Variants in RYR2 observed in about 807,000 individuals in gnomAD.
RYR2 encodes cardiac muscle ryanodine receptor-calcium release channel.
A neutral mutation model predicts 601.1 loss-of-function variants in RYR2; 227 were observed. The observed-to-expected ratio is 0.38, with a 90% CI of 0.34 to 0.42. The LOEUF (loss-of-function observed/expected upper bound fraction) is 0.42. Among genes scored for constraint, RYR2 ranks in the 10% least tolerant of loss-of-function variants. The pLI is 1.00. For missense variants in RYR2, 4,646 were observed against 6,156.5 expected, an observed-to-expected ratio of 0.75 and a Z score of 8.21; for synonymous variants, 2,223 against 2,175.1, an observed-to-expected ratio of 1.02 and a Z score of -0.61.
chr1:237,497,834 G>C (rs560695476), intron 20 of RYR2, among the ~76,000 whole-genome samples: 1 of 152,152 alleles, frequency 6.6e-6, no homozygotes, highest in East Asian at 1.9e-4. Context: ...CTAGACGAGA[G>C]GAAGCTGTAT....
chr1:237,679,815 T>C (rs1278235986), intron 61 of RYR2, among the ~76,000 whole-genome samples: 3 of 152,004 alleles, frequency 2.0e-5, no homozygotes, highest in Non-Finnish European at 2.9e-5. Context: ...CCAGAGTGAA[T>C]AGGATATGGA....
chr1:237,708,332 G>A (rs1391836858), intron 68 of RYR2, among the ~76,000 whole-genome samples: 1 of 151,994 alleles, frequency 6.6e-6, no homozygotes, highest in Non-Finnish European at 1.5e-5. Context: ...GTTACTTTCA[G>A]GGGGAAAAAA....
At chr1:237,325,903 G>A (rs540327692) in intron 2 of RYR2, among the ~76,000 whole-genome samples, 70 of 152,098 alleles carry the variant, frequency 4.6e-4, no homozygotes, top group African/African-American at 1.4e-3. Flanking sequence ...GGACCTTCAC[G>A]CCGAGGGAGA....
At chr1:237,402,440 A>G (rs1167309419) in intron 10 of RYR2, among the ~76,000 whole-genome samples, 1 of 151,870 alleles carries the variant, frequency 6.6e-6, no homozygotes, top group Non-Finnish European at 1.5e-5. Context: ...TGTTCTAAGA[A>G]TTAAAAGATG....
intron 24 of RYR2, among the ~76,000 whole-genome samples, chr1:237,515,635 CA>C (rs1666348643): frequency 2.5e-5 from 2 of 79,004 alleles, no homozygotes; most frequent in African/African-American, 4.9e-5. Context: ...CCCCTCCCTC[CA>C]TCACCCACCC....
chr1:237,469,254 AAGAC>A (rs370408492), intron 17 of RYR2, 67 bp downstream of exon 17: 8 of 593,156 alleles, frequency 1.3e-5, no homozygotes, highest in Admixed American at 8.9e-5. Flanking sequence ...CGTATCCTTT[AAGAC>A]AAAAAAAAAA....
intron 3 of RYR2, chr1:237,352,778 T>C (rs535645822): frequency 7.9e-5 from 37 of 468,242 alleles, no homozygotes; most frequent in African/African-American, 6.1e-4. Context: ...ATCTGTACAT[T>C]TGTGTCTTGA....
At chr1:237,044,116 T>C (rs958363801) in intron 1 of RYR2, among the ~76,000 whole-genome samples, 4 of 152,166 alleles carry the variant, frequency 2.6e-5, no homozygotes, top group African/African-American at 9.7e-5. Context: ...TCTTCACTAA[T>C]ACCTTGGTCA....
At chr1:237,811,607 GCTTGCTGACATAAAAATATTCA>G (rs1217121780) in intron 100 of RYR2, among the ~76,000 whole-genome samples, 4 of 152,110 alleles carry the variant, frequency 2.6e-5, no homozygotes, top group Non-Finnish European at 5.9e-5. Flanking sequence ...ATACATAATA[GCTTGCTGACATAAAAATATTCA>G]CTTTTCTTAG....
intron 1 of RYR2, among the ~76,000 whole-genome samples, chr1:237,044,567 C>CT (rs754092371): frequency 1.4e-4 from 22 of 151,766 alleles, no homozygotes; most frequent in Non-Finnish European, 2.8e-4. Context: ...TGGGATTTTT[C>CT]TTTTAATAAA....
intron 62 of RYR2, among the ~76,000 whole-genome samples, chr1:237,687,053 T>TA (rs1177134033): frequency 6.6e-6 from 1 of 152,146 alleles, no homozygotes; most frequent in African/African-American, 2.4e-5. Context: ...CATATATATA[T>TA]TTTTTAAATC....
chr1:237,229,121 T>C (rs1037160016), intron 1 of RYR2, among the ~76,000 whole-genome samples: 9 of 130,896 alleles, frequency 6.9e-5, no homozygotes, highest in Non-Finnish European at 8.4e-5. Flanking sequence ...GGACCAGCTG[T>C]AGCATCGCAT....
chr1:237,346,600 G>C (rs1698334479), intron 3 of RYR2, among the ~76,000 whole-genome samples: 1 of 152,124 alleles, frequency 6.6e-6, no homozygotes, highest in Non-Finnish European at 1.5e-5. Context: ...TGAGATTGCT[G>C]AGTTTATTGT....
Position 237,388,160 on chromosome 1 carries a change from A to G in RYR2, c.750A>G (p.Gly250=), listed in dbSNP as rs1572095976. The G allele has an allele frequency of 1.2e-6, 2 of 1,613,900 alleles. No homozygotes were observed. Among genetic ancestry groups the G allele is most frequent in the East Asian group, 2.2e-5 (1 of 44,880 alleles). Residue 250 remains glycine (G), a synonymous_variant, in exon 10 of 105, where the codon GGA becomes GGG. Coordinates refer to ENST00000366574, the MANE Select transcript of RYR2 (RefSeq NM_001035.3). The part of the protein sequence containing the change: ...HMDECLTVPS[G]EHGEEQRRTV... The stretch of plus-strand genomic sequence containing the variant: ...ACGAGTGTCTCACTGTCCCTTCAGG[A>G]GAACATGGTGAAGAGCAGCGGAGGT...
intron 17 of RYR2, among the ~76,000 whole-genome samples, chr1:237,488,078 T>A (rs1454123625): frequency 3.3e-5 from 5 of 152,152 alleles, no homozygotes; most frequent in South Asian, 2.1e-4. Context: ...TCTGGTCATA[T>A]CTTTTCTAAT....
chr1:237,560,818 G>A (rs1435617337), intron 27 of RYR2, among the ~76,000 whole-genome samples: 1 of 152,162 alleles, frequency 6.6e-6, no homozygotes, highest in East Asian at 1.9e-4. Flanking sequence ...GCTGTTTTGT[G>A]GGATGGAACA....
At chr1:237,563,080 G>A (rs7411536) in intron 27 of RYR2, among the ~76,000 whole-genome samples, 41,015 of 151,954 alleles carry the variant, frequency 0.27, 5,811 homozygotes, top group East Asian at 0.47. Flanking sequence ...TCTTTAAAAC[G>A]TAGTTGCAAA....
chr1:237,410,741 T>C (rs1393983153), intron 10 of RYR2, among the ~76,000 whole-genome samples: 3 of 152,080 alleles, frequency 2.0e-5, no homozygotes, highest in South Asian at 4.1e-4. Flanking sequence ...ATGAAAGTCA[T>C]AGTGGTGGGT....
chr1:237,087,383 C>T (rs1157986751), intron 1 of RYR2, among the ~76,000 whole-genome samples: 1 of 152,102 alleles, frequency 6.6e-6, no homozygotes, highest in Non-Finnish European at 1.5e-5. Context: ...TTCTTTGTTG[C>T]TCACCTGGTT....
Sources: gnomAD v4.1 joint callset for allele counts (sites outside exome capture counted in the v4.1 genomes callset) on GRCh38, gnomAD v4.1.1 for gene constraint, MANE v1.5 for transcripts, NCBI Gene and HGNC (gene_info 2026-07-23, HGNC 2026-07-21) for gene names.